Variants in ZNF460 observed in about 807,000 individuals in gnomAD.
The protein encoded by ZNF460 is zinc finger protein 460.
Under a neutral mutation model 8.4 loss-of-function variants are expected in ZNF460, and 1 was observed. The ratio of observed to expected loss-of-function variants is 0.12; its 90% confidence interval spans 0.04 to 0.56. The LOEUF is 0.56. ZNF460 is among the 20% of genes least tolerant of loss of function. ZNF460 has a pLI of 0.91. For synonymous variants in ZNF460, 262 were observed against 259.9 expected (o/e 1.01, Z -0.08); for missense variants, 477 against 714.8 (o/e 0.67, Z 3.79).
chr19:57,291,474 C>T lies in ZNF460; in HGVS notation c.933C>T (p.Ser311=), dbSNP rs771738407. The T allele has an allele frequency of 1.9e-5, 31 of 1,613,424 alleles. No homozygotes were observed. The highest frequency in any genetic ancestry group is 2.7e-5 in the African/African-American group (2 of 74,736). Residue 311 remains serine, a synonymous_variant, in exon 3 of 3, where the codon AGC becomes AGT. Transcript: ENST00000360338. The surrounding 1 kb of genome is among the most constrained non-coding windows in gnomAD (Gnocchi z 8.4). ...SHNEKKPFAC[S]ECGKGFYEST... The stretch of plus-strand genomic sequence containing the variant: ...ATGAGAAGAAACCCTTCGCATGCAG[C>T]GAATGTGGAAAAGGCTTTTATGAGA...
intron 1 of ZNF460, among the ~76,000 whole-genome samples, chr19:57,283,147 T>TTG (rs2087852416): frequency 4.7e-5 from 2 of 42,982 alleles, no homozygotes; most frequent in African/African-American, 2.5e-4. Flanking sequence ...GTTTGTTTGT[T>TTG]TTTTTTTTTT....
Position 57,290,691 on chromosome 19 carries a change from C to A in ZNF460, c.158-8C>A. The A allele has an allele frequency of 6.2e-7, 1 of 1,605,484 alleles. No homozygotes were observed. The highest frequency in any genetic ancestry group is 1.1e-5 in the South Asian group (1 of 90,586). On this transcript the variant is annotated splice_region_variant and splice_polypyrimidine_tract_variant and intron_variant, in intron 2 of 2. Coordinates refer to ENST00000360338, the MANE Select transcript of ZNF460 (RefSeq NM_006635.4). ...AATAAGTTCTTTTGTGTATTGTGTT[C>A]CCTTCAGGTGACAGCACAAAACCTG... is the stretch of plus-strand genomic sequence containing the variant.
At chr19:57,284,813 A>ATTT (rs755694218) in intron 2 of ZNF460, 136 bp downstream of exon 2, 1,022 of 632,660 alleles carry the variant, frequency 1.6e-3, no homozygotes, top group Middle Eastern at 4.8e-3. Context: ...GCTTTACTCT[A>ATTT]TTTTTTTTTT....
chr19:57,287,404 G>T (rs1343863727), intron 2 of ZNF460, among the ~76,000 whole-genome samples: 2 of 152,202 alleles, frequency 1.3e-5, no homozygotes, highest in African/African-American at 4.8e-5. Context: ...TTTCTGAATT[G>T]TGTGTTAACA....
chr19:57,284,830 TTTG>T, intron 2 of ZNF460, among the ~76,000 whole-genome samples, 153 bp downstream of exon 2: 1 of 151,450 alleles, frequency 6.6e-6, no homozygotes, highest in Non-Finnish European at 1.5e-5. Flanking sequence ...TTTTTTTTTT[TTTG>T]GAGACAGAGT....
intron 1 of ZNF460, among the ~76,000 whole-genome samples, chr19:57,281,561 T>TTTTC (rs1555773588): frequency 7.4e-6 from 1 of 135,026 alleles, no homozygotes; most frequent in Non-Finnish European, 1.6e-5. Context: ...CTGAAATTTT[T>TTTTC]TTTTTTTTTT....
intron 1 of ZNF460, among the ~76,000 whole-genome samples, chr19:57,284,047 T>C (rs1053093225): frequency 2.6e-5 from 4 of 152,026 alleles, no homozygotes; most frequent in East Asian, 1.9e-4. Context: ...GTTCCTGTTA[T>C]TGTTGCTGGT....
chr19:57,280,762 A>T lies in ZNF460; in HGVS notation c.-45A>T, dbSNP rs1451795993. The T allele has an allele frequency of 9.9e-6, 16 of 1,612,856 alleles. No individual in the cohort carries two copies. Among genetic ancestry groups the T allele is most frequent in the Admixed American group, 5.0e-5 (3 of 59,890 alleles). On this transcript the variant is annotated 5_prime_UTR_variant, in exon 1 of 3. Coordinates refer to ENST00000360338, the MANE Select transcript of ZNF460 (RefSeq NM_006635.4). ...AAAGTCAGCCGAGGTCGCCCCGCCC[A>T]GGACAGAGAAGGGCTGTGGTCGGCT...
rs1187187343 is a variant in ZNF460, at chr19:57,280,722, G to A, written c.-85G>A. The A allele has an allele frequency of 3.2e-6, 5 of 1,576,472 alleles. No individual in the cohort carries two copies. In the African/African-American group the frequency reaches 6.8e-5, roughly 21 times the overall value. On this transcript the variant is annotated 5_prime_UTR_variant, in exon 1 of 3. Coordinates refer to ENST00000360338, the MANE Select transcript of ZNF460 (RefSeq NM_006635.4). ...TGCGCATTTTTTTCGGGGGAAAACT[G>A]AGGCTCGGAGTGCGAAAGTCAGCCG...
chr19:57,290,929 G>A lies in ZNF460; in HGVS notation c.388G>A (p.Ala130Thr). 1 of 1,614,216 alleles carries A rather than the reference G, an allele frequency of 6.2e-7. No homozygotes were observed. The highest frequency in any genetic ancestry group is 1.3e-5 in the African/African-American group (1 of 75,056). Residue 130 changes from alanine (A) to threonine (T), a missense_variant, in exon 3 of 3, where the codon GCG becomes ACG. This residue lies in a region of ZNF460 where 169 missense variants were observed against 178.6 expected (regional missense o/e 0.95). Coordinates refer to ENST00000360338, the MANE Select transcript of ZNF460 (RefSeq NM_006635.4). ...AATGAGCCTTGAACACGAAGGTTTG[G>A]CGACAGCTGATGGTATTTGTTCAAT... is the stretch of plus-strand genomic sequence containing the variant. ...GKMSLEHEGL[A>T]TADGICSMMI...
At position 57,291,161 on chromosome 19, in the gene ZNF460, A is replaced by T; in HGVS notation, c.620A>T (p.Lys207Met). Residue 207 changes from lysine to methionine, a missense_variant, in exon 3 of 3, where the codon AAG (lysine) becomes ATG (methionine). By Grantham distance (95) the Lys-to-Met change is moderately conservative (BLOSUM62 -1). Transcript: ENST00000360338. The surrounding 1 kb of genome is among the most constrained non-coding windows in gnomAD (Gnocchi z 8.4). ...CCAGAATGTGGGAAAGCCTTCGGCA[A>T]GAGCAAACACCTCCTTCAGCATCAC... is the stretch of plus-strand genomic sequence containing the variant. ...DCPECGKAFGKSKHLLQHHII... is the reference protein window; with the variant it reads ...DCPECGKAFGMSKHLLQHHII... 1 of 1,614,040 alleles carries T rather than the reference A, an allele frequency of 6.2e-7. No individual in the cohort carries two copies. The highest frequency in any genetic ancestry group is 8.5e-7 in the Non-Finnish European group (1 of 1,180,000).
chr19:57,292,232 A>G lies in ZNF460; in HGVS notation c.*2A>G, dbSNP rs761316193. 6 of 1,603,060 alleles carry G rather than the reference A, an allele frequency of 3.7e-6. No individual in the cohort carries two copies. The South Asian group carries it at 5.5e-5, about 15-fold the overall frequency. On this transcript the variant is annotated 3_prime_UTR_variant, in exon 3 of 3. Coordinates refer to ENST00000360338, the MANE Select transcript of ZNF460 (RefSeq NM_006635.4). ...GTGGAAGAAACCCTACCATTGTAAC[A>G]GATGTGGAAAGACTTTTTACGTACA...
chr19:57,290,231 C>G (rs956731648), intron 2 of ZNF460, among the ~76,000 whole-genome samples: 2 of 152,154 alleles, frequency 1.3e-5, no homozygotes, highest in Non-Finnish European at 2.9e-5. Flanking sequence ...CCGGGTGATC[C>G]GCCTCAGCCT....
At chr19:57,286,080 A>G (rs1008379873) in intron 2 of ZNF460, among the ~76,000 whole-genome samples, 7 of 152,292 alleles carry the variant, frequency 4.6e-5, no homozygotes, top group South Asian at 4.1e-4. Context: ...AAATGGGACA[A>G]TATGTGCCAA....
Position 57,290,740 on chromosome 19 carries a change from C to T in ZNF460, c.199C>T (p.His67Tyr). Residue 67 changes from histidine to tyrosine, a missense_variant, in exon 3 of 3, where the codon CAT becomes TAT. Physicochemically the swap from His to Tyr is moderately conservative, Grantham distance 83 (BLOSUM62 2). This residue lies in a region of ZNF460 where 169 missense variants were observed against 178.6 expected (regional missense o/e 0.95). Transcript: ENST00000360338. Reference sequence around the variant, plus strand: ...TGAGACCGTAGAGCCTATCCCTTCTCATCTGGCCTTGCCTGAGGAAGTCTC... The same window carrying T: ...TGAGACCGTAGAGCCTATCCCTTCTTATCTGGCCTTGCCTGAGGAAGTCTC... ...KPETVEPIPS[H>Y]LALPEEVSLQ... 2 of 1,614,216 alleles carry T rather than the reference C, an allele frequency of 1.2e-6. No individual in the cohort carries two copies. The highest frequency in any genetic ancestry group is 8.5e-7 in the Non-Finnish European group (1 of 1,180,030).
chr19:57,283,148 T>G (rs77238938), intron 1 of ZNF460, among the ~76,000 whole-genome samples: 15 of 44,454 alleles, frequency 3.4e-4, no homozygotes, highest in African/African-American at 1.1e-3. Context: ...TTTGTTTGTT[T>G]TTTTTTTTTT....
At chr19:57,287,146 G>T (rs2087885397) in intron 2 of ZNF460, among the ~76,000 whole-genome samples, 1 of 152,178 alleles carries the variant, frequency 6.6e-6, no homozygotes, top group Admixed American at 6.5e-5. Flanking sequence ...GTTGGCTGTT[G>T]TTGAACTGCA....
intron 2 of ZNF460, 55 bp from the exon 3 acceptor site, chr19:57,290,644 T>C: frequency 1.3e-6 from 2 of 1,506,336 alleles, no homozygotes; most frequent in Middle Eastern, 1.9e-4. Context: ...AAAAGGTGGT[T>C]TCATTTCTTC....
chr19:57,290,035 GA>G (rs1012203516), intron 2 of ZNF460, among the ~76,000 whole-genome samples: 1 of 152,088 alleles, frequency 6.6e-6, no homozygotes, highest in Non-Finnish European at 1.5e-5. Context: ...AGCCACTTGG[GA>G]GGCTGATTCA....
Sources: gnomAD v4.1 joint callset for allele counts (sites outside exome capture counted in the v4.1 genomes callset) on GRCh38, gnomAD v4.1.1 for gene constraint, gnomAD v4.1.1 regional missense constraint, Gnocchi (gnomAD v3.1) non-coding constraint, MANE v1.5 for transcripts, NCBI Gene and HGNC (gene_info 2026-07-23, HGNC 2026-07-21) for gene names.